The following TRAPPC10 variants were observed in gnomAD, a reference collection of about 807,000 sequenced individuals.
The protein encoded by TRAPPC10 is TRAPP 130 kDa subunit.
A neutral mutation model predicts 125.5 loss-of-function variants in TRAPPC10; 23 were observed. That is an observed-to-expected ratio of 0.18 (90% CI 0.13 to 0.26). TRAPPC10 has a LOEUF of 0.26. Ranked by LOEUF, TRAPPC10 falls within the 10% of genes least tolerant of loss-of-function variation. The probability of loss-of-function intolerance (pLI) is 1.00; values close to 1 mark genes in which losing one functional copy is unlikely to be tolerated. For synonymous variants in TRAPPC10, 509 were observed against 518.0 expected (o/e 0.98, Z 0.24); for missense variants, 1,123 against 1,308.4 (o/e 0.86, Z 2.19).
At chr21:44,029,355 A>G (rs916052266) in intron 1 of TRAPPC10, among the ~76,000 whole-genome samples, 6 of 152,094 alleles carry the variant, frequency 3.9e-5, no homozygotes, top group East Asian at 1.9e-4. Flanking sequence ...CGGCCTCCCA[A>G]TCTGCTGGGA....
intron 3 of TRAPPC10, among the ~76,000 whole-genome samples, chr21:44,042,972 G>A (rs9978531): frequency 0.098 from 14,938 of 151,964 alleles, 1,379 homozygotes; most frequent in African/African-American, 0.25. Flanking sequence ...ATTGGGACCC[G>A]TATAGCTTCA....
At chr21:44,070,890 G>T (rs983701078) in intron 7 of TRAPPC10, among the ~76,000 whole-genome samples, 1 of 152,196 alleles carries the variant, frequency 6.6e-6, no homozygotes. Context: ...GGGCCTGGGG[G>T]CGTCTTCGGA....
At chr21:44,040,202 C>CT (rs527679696) in intron 3 of TRAPPC10, among the ~76,000 whole-genome samples, 235 of 152,282 alleles carry the variant, frequency 1.5e-3, no homozygotes, top group African/African-American at 5.3e-3. Flanking sequence ...TGTGATCAAA[C>CT]TAAGTTTATA....
chr21:44,094,123 C>T lies in TRAPPC10; in HGVS notation c.3058C>T (p.Pro1020Ser). The T allele has an allele frequency of 3.1e-6, 5 of 1,614,158 alleles. No individual in the cohort carries two copies. The highest frequency in any genetic ancestry group is 4.2e-6 in the Non-Finnish European group (5 of 1,180,018). Residue 1020 changes from proline to serine, a missense_variant, in exon 20 of 23, where the codon CCC becomes TCC. By Grantham distance (74) the Pro-to-Ser change is moderately conservative (BLOSUM62 -1). Around this residue, in one of 4 missense-constraint regions of TRAPPC10, gnomAD observed 840 missense variants for 902.0 expected, o/e 0.93. Coordinates refer to ENST00000291574, the MANE Select transcript of TRAPPC10 (RefSeq NM_003274.5). Reference protein sequence around the residue: ...VWELKWTEEPPPSLHCRFSVG... With the variant: ...VWELKWTEEPSPSLHCRFSVG... ...GGAACTCAAGTGGACAGAAGAGCCT[C>T]CCCCTTCTCTGCATTGCCGGTTCTC...
chr21:44,090,589 C>A (rs2038505443), intron 18 of TRAPPC10, among the ~76,000 whole-genome samples: 1 of 152,184 alleles, frequency 6.6e-6, no homozygotes, highest in East Asian at 1.9e-4. Flanking sequence ...TGAGTAGACT[C>A]CAGTTCTGCT....
rs187943237 is a variant in TRAPPC10 at position 44,082,174 on chromosome 21, C to T, written c.1724-614C>T. 2.0e-5 allele frequency among the ~76,000 whole-genome samples: 3 copies of T among 152,344 alleles called. No individual in the cohort carries two copies. The East Asian group carries it at 5.8e-4, about 29-fold the overall frequency. ...ATAAATACTTAACTGGTCACTTCTGCAGCCTTGTGTATTTTCTAGACAAAA... is the reference window on the plus strand; with the variant it reads ...ATAAATACTTAACTGGTCACTTCTGTAGCCTTGTGTATTTTCTAGACAAAA... On this transcript the variant is annotated intron_variant, in intron 13 of 22. Transcript: ENST00000291574. The surrounding 1 kb of genome is among the most constrained non-coding windows in gnomAD (Gnocchi z 4.4).
chr21:44,060,915 T>TACACACAC (rs34848979), intron 6 of TRAPPC10, among the ~76,000 whole-genome samples: 254 of 132,234 alleles, frequency 1.9e-3, no homozygotes, highest in African/African-American at 6.9e-3. Flanking sequence ...CATACATACA[T>TACACACAC]ACACACACAC....
chr21:44,073,496 C>A (rs2037031423), intron 7 of TRAPPC10, among the ~76,000 whole-genome samples: 1 of 152,186 alleles, frequency 6.6e-6, no homozygotes, highest in Non-Finnish European at 1.5e-5. Flanking sequence ...TCTTATACAG[C>A]AGGCGATTTT....
chr21:44,012,631 C>T (rs2031249414), intron 1 of TRAPPC10, 71 bp downstream of exon 1: 6 of 1,369,496 alleles, frequency 4.4e-6, no homozygotes, highest in African/African-American at 1.5e-5. Context: ...ATGCACCCGG[C>T]GCCCCCAGAC....
At chr21:44,033,950 T>TGG (rs2033786740) in intron 2 of TRAPPC10, among the ~76,000 whole-genome samples, 1 of 152,048 alleles carries the variant, frequency 6.6e-6, no homozygotes, top group Non-Finnish European at 1.5e-5. Context: ...ACTACATAAA[T>TGG]ACTAAACAAA....
intron 7 of TRAPPC10, among the ~76,000 whole-genome samples, chr21:44,065,330 C>G (rs187816285): frequency 1.6e-3 from 237 of 152,232 alleles, no homozygotes; most frequent in African/African-American, 5.3e-3. Context: ...GTCTGCAGGG[C>G]CGGGAAGTCA....
Position 44,087,026 on chromosome 21 carries a change from G to C in TRAPPC10, c.2539+66G>C. 1 of 1,568,374 alleles carries C rather than the reference G, an allele frequency of 6.4e-7. No individual in the cohort carries two copies. Among genetic ancestry groups the C allele is most frequent in the South Asian group, 1.1e-5 (1 of 87,048 alleles). On this transcript the variant is annotated intron_variant, in intron 16 of 22. Transcript: ENST00000291574. This position sits in a 1 kb window ranked among gnomAD's most constrained non-coding sequence, Gnocchi z 4.6. ...TTGCCCTGCACTGTGTGGGTGTGAG[G>C]GTGAGCCTGGCCTTGCTGCCATCCT...
intron 5 of TRAPPC10, among the ~76,000 whole-genome samples, chr21:44,058,477 T>C (rs2145880580): frequency 6.6e-6 from 1 of 152,292 alleles, no homozygotes. Flanking sequence ...TTGAATGTGA[T>C]GAGCAGTCGC....
At position 44,059,831 on chromosome 21, in the gene TRAPPC10, C is replaced by T. The variant is rs2838476; in HGVS notation, c.790+617C>T. ...CTCACAGCCCATCCTGGGCATCTCT[C>T]CAGGTTAGCAGGTGGGGTTTGGAGT... is the stretch of plus-strand genomic sequence containing the variant. On this transcript the variant is annotated intron_variant, in intron 6 of 22. Coordinates refer to ENST00000291574, the MANE Select transcript of TRAPPC10 (RefSeq NM_003274.5). This position sits in a 1 kb window ranked among gnomAD's most constrained non-coding sequence, Gnocchi z 4.4. The T allele has an allele frequency of 0.27, 84,828 of 314,370 alleles. 15,494 individuals are homozygous for T. The highest frequency in any genetic ancestry group is 0.62 in the African/African-American group (29,087 of 46,812). The allele number at this position is 314,370 out of a possible 1,614,324, so 19.5% of individuals were successfully genotyped here.
intron 1 of TRAPPC10, among the ~76,000 whole-genome samples, chr21:44,025,594 A>G (rs1464342222): frequency 6.6e-6 from 1 of 152,148 alleles, no homozygotes; most frequent in African/African-American, 2.4e-5. Flanking sequence ...AGTTCATTCA[A>G]CTTCTTAACA....
Position 44,083,724 on chromosome 21 carries a change from A to G in TRAPPC10, c.2239-398A>G, listed in dbSNP as rs192433743. Among the ~76,000 whole-genome samples the G allele has an allele frequency of 2.6e-5, 4 of 152,280 alleles. No homozygotes were observed. The South Asian group carries it at 6.2e-4, about 24-fold the overall frequency. On this transcript the variant is annotated intron_variant, in intron 14 of 22. Transcript: ENST00000291574. Reference sequence around the variant, plus strand: ...GTGTTTCTCACCCACTCTAACATAAAGTTTTCTCTGACACAGGATATCCTG... The same window carrying G: ...GTGTTTCTCACCCACTCTAACATAAGGTTTTCTCTGACACAGGATATCCTG...
chr21:44,081,416 C>T (rs1023718903), intron 13 of TRAPPC10, among the ~76,000 whole-genome samples: 3 of 152,154 alleles, frequency 2.0e-5, no homozygotes, highest in African/African-American at 7.2e-5. Flanking sequence ...ACCTCGGTCT[C>T]CCAAAGTGCT....
In TRAPPC10 at chr21:44,059,779, C is replaced by G; in HGVS notation, c.790+565C>G. ...ATGAAAGTGATACCACGTTATATAG[C>G]TGTTTCTCTGTCGCTCCTTTTTGTT... On this transcript the variant is annotated intron_variant, in intron 6 of 22. Transcript: ENST00000291574. The surrounding 1 kb of genome is among the most constrained non-coding windows in gnomAD (Gnocchi z 4.4). 1 of 399,658 alleles carries G rather than the reference C, an allele frequency of 2.5e-6. No individual in the cohort carries two copies. The highest frequency in any genetic ancestry group is 4.4e-6 in the Non-Finnish European group (1 of 225,472). 24.8% of individuals were successfully genotyped at this position (399,658 alleles called of 1,614,324 possible).
At chr21:44,062,370 A>G (rs1903477149) in intron 6 of TRAPPC10, among the ~76,000 whole-genome samples, 2 of 152,348 alleles carry the variant, frequency 1.3e-5, no homozygotes, top group South Asian at 2.1e-4. Flanking sequence ...AAGTAAATCT[A>G]TCACTTGCTG....
Sources: gnomAD v4.1 joint callset for allele counts (sites outside exome capture counted in the v4.1 genomes callset) on GRCh38, gnomAD v4.1.1 for gene constraint, gnomAD v4.1.1 regional missense constraint, Gnocchi (gnomAD v3.1) non-coding constraint, MANE v1.5 for transcripts, NCBI Gene and HGNC (gene_info 2026-07-23, HGNC 2026-07-21) for gene names.